UGT1A4: variants seen among roughly 807,000 people sequenced by gnomAD.
UGT1A4 encodes the protein UDP glucuronosyltransferase family 1 member A4.
In UGT1A4, 32 loss-of-function variants were observed where a neutral mutation model predicts 41.1. The observed-to-expected ratio is 0.78, with a 90% confidence interval of 0.59 to 1.05. The LOEUF is 1.05. UGT1A4 is among the 50% of genes least tolerant of loss of function. The probability of loss-of-function intolerance (pLI) is 0.00; values close to 1 mark genes in which losing one functional copy is unlikely to be tolerated. For missense variants in UGT1A4, 748 were observed against 677.4 expected, an observed-to-expected ratio of 1.10 and a Z score of -1.16; for synonymous variants, 283 against 265.1, an observed-to-expected ratio of 1.07 and a Z score of -0.66.
intron 1 of UGT1A4, among the ~76,000 whole-genome samples, chr2:233,726,714 A>C (rs1575568254): frequency 2.0e-5 from 3 of 152,340 alleles, no homozygotes; most frequent in Admixed American, 2.0e-4. Flanking sequence ...GGTTTGAGGA[A>C]GTACAATGTA....
intron 1 of UGT1A4, among the ~76,000 whole-genome samples, chr2:233,724,351 C>G: frequency 6.8e-6 from 1 of 147,806 alleles, no homozygotes; most frequent in African/African-American, 2.5e-5. Context: ...CCCCCCCCAC[C>G]TCCCTCCCGG....
intron 1 of UGT1A4, among the ~76,000 whole-genome samples, chr2:233,724,264 C>A (rs1250827727): frequency 1.7e-5 from 2 of 116,566 alleles, no homozygotes; most frequent in East Asian, 2.8e-4. Flanking sequence ...ACCTCCCGGA[C>A]GGGGCGGCTG....
At chr2:233,721,128 G>C (rs920776515) in intron 1 of UGT1A4, among the ~76,000 whole-genome samples, 1 of 152,006 alleles carries the variant, frequency 6.6e-6, no homozygotes, top group Non-Finnish European at 1.5e-5. Context: ...CTTTTTATTA[G>C]TGTAGGTATT....
At chr2:233,724,137 G>C (rs1240134584) in intron 1 of UGT1A4, among the ~76,000 whole-genome samples, 1 of 114,506 alleles carries the variant, frequency 8.7e-6, no homozygotes, top group Non-Finnish European at 1.8e-5. Context: ...CCTCCCGGAC[G>C]GGGCGGCTGG....
At chr2:233,729,032 T>C in intron 1 of UGT1A4, 2 of 1,601,672 alleles carry the variant, frequency 1.2e-6, no homozygotes. Flanking sequence ...GTTGATTTGC[T>C]AAGTGGCTCA....
intron 1 of UGT1A4, among the ~76,000 whole-genome samples, chr2:233,733,062 C>T (rs1195165933): frequency 2.0e-5 from 3 of 152,118 alleles, no homozygotes; most frequent in Admixed American, 6.5e-5. Flanking sequence ...ATTTTATTCT[C>T]TTTGTAGCAA....
intron 1 of UGT1A4, among the ~76,000 whole-genome samples, chr2:233,749,817 TTCTC>T (rs1694278787): frequency 1.3e-5 from 2 of 151,900 alleles, no homozygotes; most frequent in Non-Finnish European, 2.9e-5. Flanking sequence ...CTCTTCCTCT[TTCTC>T]TCTTTCATGT....
rs537688236 is a variant in UGT1A4, at chr2:233,769,340, T to A, written c.1307+901T>A. On this transcript the variant is annotated intron_variant, in intron 4 of 4. Coordinates refer to ENST00000373409, the MANE Select transcript of UGT1A4 (RefSeq NM_007120.3). This position sits in a 1 kb window ranked among gnomAD's most constrained non-coding sequence, Gnocchi z 4.4. ...CACTGGTAATAGGCTTATTAGAACC[T>A]TATGGGAAGAAGTGGTGGCCAGTGG... Among the ~76,000 whole-genome samples the A allele has an allele frequency of 9.2e-5, 14 of 152,346 alleles. No individual in the cohort carries two copies. The highest frequency in any genetic ancestry group is 3.4e-4 in the African/African-American group (14 of 41,584).
chr2:233,752,000 T>A (rs1694866049), intron 1 of UGT1A4, among the ~76,000 whole-genome samples: 1 of 152,106 alleles, frequency 6.6e-6, no homozygotes, highest in African/African-American at 2.4e-5. Context: ...TTGAGAAAGT[T>A]GATGAGAAAG....
At chr2:233,743,654 T>C in intron 1 of UGT1A4, 1 of 1,367,284 alleles carries the variant, frequency 7.3e-7, no homozygotes, top group Non-Finnish European at 9.8e-7. Context: ...GAAGACGTAC[T>C]CGAAGGGGTC....
chr2:233,752,826 C>T (rs372866711), intron 1 of UGT1A4, among the ~76,000 whole-genome samples: 1 of 152,184 alleles, frequency 6.6e-6, no homozygotes, highest in East Asian at 1.9e-4. Context: ...TTTATGACAT[C>T]AGTAATCTAG....
At chr2:233,729,785 T>C (rs767360644) in intron 1 of UGT1A4, 1 of 1,614,014 alleles carries the variant, frequency 6.2e-7, no homozygotes, top group Non-Finnish European at 8.5e-7. Flanking sequence ...CCTCTGGCCC[T>C]GTCCTACATT....
At chr2:233,738,236 C>A (rs1038259131) in intron 1 of UGT1A4, among the ~76,000 whole-genome samples, 4 of 152,220 alleles carry the variant, frequency 2.6e-5, no homozygotes, top group African/African-American at 4.8e-5. Flanking sequence ...GAGGCCCCTC[C>A]AGCCACATGG....
intron 1 of UGT1A4, among the ~76,000 whole-genome samples, chr2:233,736,484 A>T (rs1388526766): frequency 6.6e-6 from 1 of 152,156 alleles, no homozygotes; most frequent in Admixed American, 6.5e-5. Context: ...GAGGTTTGTT[A>T]CTACCAAACT....
chr2:233,762,039 CTG>C (rs1484213771), intron 1 of UGT1A4, among the ~76,000 whole-genome samples: 1 of 152,090 alleles, frequency 6.6e-6, no homozygotes, highest in Non-Finnish European at 1.5e-5. Flanking sequence ...TTTTAATTTT[CTG>C]TGCATTTTCC....
intron 1 of UGT1A4, among the ~76,000 whole-genome samples, chr2:233,766,184 T>A (rs1169450089): frequency 6.6e-6 from 1 of 152,052 alleles, no homozygotes; most frequent in Non-Finnish European, 1.5e-5. Context: ...ATTGAGTGGA[T>A]GTAGCTCTCA....
chr2:233,732,056 T>C (rs1452180341), intron 1 of UGT1A4, among the ~76,000 whole-genome samples: 3 of 152,242 alleles, frequency 2.0e-5, no homozygotes, highest in Admixed American at 6.5e-5. Context: ...CATTTATTCA[T>C]GTGTCTGTTG....
chr2:233,760,172 C>T (rs1421203838), intron 1 of UGT1A4: 1 of 1,533,858 alleles, frequency 6.5e-7, no homozygotes, highest in Admixed American at 1.9e-5. Flanking sequence ...TGTGGACTGA[C>T]AGCTTTTTAT....
At chr2:233,766,708 C>G (rs538087868) in intron 1 of UGT1A4, among the ~76,000 whole-genome samples, 1 of 152,196 alleles carries the variant, frequency 6.6e-6, no homozygotes, top group East Asian at 1.9e-4. Context: ...GCTCTGTGTT[C>G]TCTAAGTGGA....
Sources: allele counts gnomAD v4.1 joint callset (sites outside exome capture counted in the v4.1 genomes callset), GRCh38; gene constraint gnomAD v4.1.1; non-coding constraint Gnocchi (gnomAD v3.1); transcripts MANE v1.5; gene names NCBI Gene and HGNC (gene_info 2026-07-23, HGNC 2026-07-21).